ITPR2: variants seen among roughly 807,000 people sequenced by gnomAD.
ITPR2 encodes inositol 1,4,5-trisphosphate-gated calcium channel ITPR2.
A neutral mutation model predicts 317.1 loss-of-function variants in ITPR2; 207 were observed. The observed-to-expected ratio is 0.65, with a 90% confidence interval of 0.58 to 0.73. The LOEUF is 0.73. ITPR2 is among the 30% of genes least tolerant of loss of function. The pLI is 0.00. For missense variants in ITPR2, 2,613 were observed against 3,284.0 expected (o/e 0.80, Z 4.99); for synonymous variants, 1,156 against 1,149.1 (o/e 1.01, Z -0.12).
chr12:26,617,782 A>G (rs930810211), intron 26 of ITPR2, among the ~76,000 whole-genome samples: 2 of 150,822 alleles, frequency 1.3e-5, no homozygotes, highest in African/African-American at 4.9e-5. Context: ...GAAGGAGGGA[A>G]GGAAAGAGGA....
chr12:26,655,921 G>T, intron 19 of ITPR2, 69 bp from the exon 20 acceptor site: 2 of 1,437,756 alleles, frequency 1.4e-6, no homozygotes, highest in Non-Finnish European at 1.9e-6. Context: ...GAAAACACAC[G>T]TAGTTTCCTG....
intron 1 of ITPR2, among the ~76,000 whole-genome samples, chr12:26,795,855 C>T (rs1000548284): frequency 3.3e-5 from 5 of 151,986 alleles, no homozygotes; most frequent in African/African-American, 1.2e-4. Flanking sequence ...CGTGGTGGCA[C>T]GACCTGTAAT....
At chr12:26,368,392 G>A (rs1481539960) in intron 55 of ITPR2, among the ~76,000 whole-genome samples, 3 of 152,152 alleles carry the variant, frequency 2.0e-5, no homozygotes, top group Non-Finnish European at 4.4e-5. Context: ...TTGAATATGT[G>A]TAGATTGAAG....
In ITPR2 at chr12:26,395,392, G is replaced by C. The variant is rs16930591; in HGVS notation, c.7696+3484C>G. ...TTTTTAATAACTGTGAAAAGCCAAA[G>C]AGAATTCTGACCGAGAAGGGAAAGC... On this transcript the variant is annotated intron_variant, in intron 54 of 56. Transcript: ENST00000381340. 4.5e-3 allele frequency among the ~76,000 whole-genome samples: 681 copies of C among 152,288 alleles called. 5 individuals are homozygous for C. The highest frequency in any genetic ancestry group is 0.015 in the African/African-American group (611 of 41,562).
chr12:26,794,895 T>A (rs1291385295), intron 1 of ITPR2, among the ~76,000 whole-genome samples: 1 of 152,210 alleles, frequency 6.6e-6, no homozygotes, highest in Admixed American at 6.5e-5. Context: ...GCTGAACTTG[T>A]ATTCTCTTAC....
At chr12:26,422,585 C>T (rs573851489) in intron 49 of ITPR2, among the ~76,000 whole-genome samples, 1 of 152,212 alleles carries the variant, frequency 6.6e-6, no homozygotes, top group Admixed American at 6.5e-5. Context: ...GTGAACAATC[C>T]TTAAGCTCCC....
chr12:26,819,593 A>G (rs1037030743), intron 1 of ITPR2, among the ~76,000 whole-genome samples: 8 of 152,218 alleles, frequency 5.3e-5, no homozygotes, highest in African/African-American at 1.9e-4. Context: ...CAGTTAAAGT[A>G]TAAAATGTCT....
chr12:26,827,679 T>C (rs1301631164), intron 1 of ITPR2, among the ~76,000 whole-genome samples: 1 of 152,222 alleles, frequency 6.6e-6, no homozygotes, highest in Non-Finnish European at 1.5e-5. Flanking sequence ...CAAATAAATG[T>C]CTATTCATTA....
At chr12:26,594,144 C>G (rs2137109691) in intron 32 of ITPR2, among the ~76,000 whole-genome samples, 1 of 152,304 alleles carries the variant, frequency 6.6e-6, no homozygotes, top group South Asian at 2.1e-4. Context: ...CTGCATAAAA[C>G]AGGACGATTT....
intron 52 of ITPR2, 101 bp downstream of exon 52, chr12:26,411,219 T>A (rs1033240461): frequency 4.1e-6 from 3 of 735,538 alleles, no homozygotes; most frequent in Non-Finnish European, 7.0e-6. Context: ...TTTCAATCCA[T>A]CATGAAATTT....
chr12:26,596,153 A>G (rs975138479), intron 31 of ITPR2, among the ~76,000 whole-genome samples: 2 of 152,250 alleles, frequency 1.3e-5, no homozygotes, highest in Admixed American at 6.5e-5. Flanking sequence ...GTAAACCTGC[A>G]GAGTCTTTTA....
chr12:26,342,470 G>A (rs537600532), intron 55 of ITPR2, among the ~76,000 whole-genome samples: 6 of 137,104 alleles, frequency 4.4e-5, no homozygotes, highest in East Asian at 2.4e-4. Flanking sequence ...GAAGTGGACC[G>A]AATGGGAGGT....
Position 26,339,311 on chromosome 12 carries a change from C to G in ITPR2, c.*86G>C, listed in dbSNP as rs2136536759. 1 of 1,168,466 alleles carries G rather than the reference C, an allele frequency of 8.6e-7. No individual in the cohort carries two copies. Among genetic ancestry groups the G allele is most frequent in the East Asian group, 2.4e-5 (1 of 42,234 alleles). 72.4% of individuals were successfully genotyped at this position (1,168,466 alleles called of 1,614,324 possible). A position where few individuals can be genotyped will look rare whatever the true frequency, so the allele number is the denominator to read the frequency against. On this transcript the variant is annotated 3_prime_UTR_variant, in exon 57 of 57. Transcript: ENST00000381340. ...GTTTTTAACTTTTCAACAATAGGCA[C>G]TGTTCACTCCCCTCCATCTCAGTTC...
In ITPR2 at chr12:26,658,031, T is replaced by G. The variant is rs1179335921; in HGVS notation, c.1986A>C (p.Ala662=). 1 of 1,613,004 alleles carries G rather than the reference T, an allele frequency of 6.2e-7. No homozygotes were observed. ...ICKFMLSPGN[A]DILIQTKVVS... ...CTTACTTAGTTTGAATGAGAATGTC[T>G]GCATTGCCTGGACTCAACATAAATT... The change falls in exon 17 of 57, where the codon GCA becomes GCC. Residue 662 remains alanine (A), a synonymous_variant. Transcript: ENST00000381340.
In ITPR2 at chr12:26,376,819, C is replaced by A. The variant is rs868503984; in HGVS notation, c.7857+10615G>T. Among the ~76,000 whole-genome samples the A allele has an allele frequency of 9.2e-5, 14 of 152,072 alleles. No homozygotes were observed. The Middle Eastern group carries it at 0.01, about 111-fold the overall frequency. Reference sequence around the variant, plus strand: ...CAGTGGCTGACTGCAACCTCCACTTCCTGTTCTCAGGCAATCCTCCTGCCT... The same window carrying A: ...CAGTGGCTGACTGCAACCTCCACTTACTGTTCTCAGGCAATCCTCCTGCCT... On this transcript the variant is annotated intron_variant, in intron 55 of 56. Coordinates refer to ENST00000381340, the MANE Select transcript of ITPR2 (RefSeq NM_002223.4).
chr12:26,750,575 A>G (rs1949396696), intron 2 of ITPR2, among the ~76,000 whole-genome samples: 1 of 152,212 alleles, frequency 6.6e-6, no homozygotes, highest in Non-Finnish European at 1.5e-5. Context: ...TGGAAAAGGT[A>G]AAAGAACCAC....
At chr12:26,658,971 C>T in intron 16 of ITPR2, 142 bp downstream of exon 16, 1 of 604,604 alleles carries the variant, frequency 1.7e-6, no homozygotes, top group Non-Finnish European at 2.8e-6. Flanking sequence ...TTATTATATA[C>T]AATTATTATA....
chr12:26,475,412 C>T lies in ITPR2; in HGVS notation c.6226G>A (p.Val2076Met), dbSNP rs570007382. The T allele has an allele frequency of 1.2e-6, 2 of 1,610,410 alleles. No individual in the cohort carries two copies. Among genetic ancestry groups the T allele is most frequent in the Admixed American group, 1.7e-5 (1 of 59,628 alleles). ...FNMRPRELVD[V>M]MKNAYNQGLE... ...CCTTGGTTATAGGCATTCTTCATCA[C>T]ATCCACCTATCCAAAAAAAAAAAGA... The change falls in exon 45 of 57, where the codon GTG (valine) becomes ATG (methionine). Residue 2076 changes from valine (V) to methionine (M), a missense_variant. Val to Met is a conservative substitution (Grantham distance 21). Transcript: ENST00000381340.
chr12:26,784,162 CAG>C (rs1417112652), intron 2 of ITPR2, among the ~76,000 whole-genome samples: 2 of 151,728 alleles, frequency 1.3e-5, no homozygotes, highest in Admixed American at 6.6e-5. Context: ...ACAGGGGAAA[CAG>C]AGTGGAAGAG....
Sources: gnomAD v4.1 joint callset for allele counts (sites outside exome capture counted in the v4.1 genomes callset) on GRCh38, gnomAD v4.1.1 for gene constraint, MANE v1.5 for transcripts, NCBI Gene and HGNC (gene_info 2026-07-23, HGNC 2026-07-21) for gene names.